The following GRM7 variants were observed in gnomAD, a reference collection of about 807,000 sequenced individuals.
GRM7 encodes metabotropic glutamate receptor 7.
GRM7 carries 35 observed loss-of-function variants against 84.5 expected under a neutral mutation model. That is an observed-to-expected ratio of 0.41 (90% confidence interval 0.32 to 0.55). The LOEUF is 0.55. GRM7 is among the 20% of genes least tolerant of loss of function. The pLI, the probability that GRM7 is intolerant of heterozygous loss-of-function variation, is 0.19. For missense variants in GRM7, 1,003 were observed against 1,194.6 expected, an observed-to-expected ratio of 0.84 and a Z score of 2.36; for synonymous variants, 487 against 455.1, an observed-to-expected ratio of 1.07 and a Z score of -0.89.
At chr3:7,344,701 CAT>C (rs1169302411) in intron 4 of GRM7, among the ~76,000 whole-genome samples, 1 of 152,048 alleles carries the variant, frequency 6.6e-6, no homozygotes, top group Non-Finnish European at 1.5e-5. Context: ...TGTTCTCACT[CAT>C]ATGTGAAAAC....
At position 7,680,613 on chromosome 3, in the gene GRM7, C is replaced by A. The variant is rs1575624683; in HGVS notation, c.2698+318C>A. ...CTATCAGGTTGTTCTTTTCTTGCAC[C>A]CTTCCTGCTAAGGCAACAACTTTTT... On this transcript the variant is annotated intron_variant, in intron 9 of 9. Transcript: ENST00000357716. 1.7e-5 allele frequency: 5 copies of A among 297,330 alleles called. No homozygotes were observed. In the East Asian group the frequency reaches 3.8e-4, roughly 23 times the overall value. 18.4% of individuals were successfully genotyped at this position (297,330 alleles called of 1,614,324 possible).
At chr3:7,113,939 T>C (rs1173569871) in intron 1 of GRM7, among the ~76,000 whole-genome samples, 2 of 152,168 alleles carry the variant, frequency 1.3e-5, no homozygotes, top group Admixed American at 1.3e-4. Flanking sequence ...ATTTTGTAGA[T>C]TAAGTAAGTT....
chr3:6,904,145 C>T (rs992065153), intron 1 of GRM7, among the ~76,000 whole-genome samples: 6 of 151,998 alleles, frequency 3.9e-5, no homozygotes, highest in Non-Finnish European at 8.8e-5. Flanking sequence ...TTTGCTTATA[C>T]AATATATGCT....
chr3:6,869,003 C>T (rs1457023745), intron 1 of GRM7, among the ~76,000 whole-genome samples: 1 of 152,052 alleles, frequency 6.6e-6, no homozygotes, highest in Non-Finnish European at 1.5e-5. Flanking sequence ...TAGTCTTCTA[C>T]ATTATTGTTT....
intron 7 of GRM7, among the ~76,000 whole-genome samples, chr3:7,510,053 C>T (rs534627550): frequency 9.5e-4 from 144 of 152,290 alleles, no homozygotes; most frequent in African/African-American, 3.3e-3. Flanking sequence ...ATGTGTACAT[C>T]ACTGGTTTTT....
At chr3:7,573,306 C>T (rs1351501234) in intron 7 of GRM7, among the ~76,000 whole-genome samples, 1 of 151,736 alleles carries the variant, frequency 6.6e-6, no homozygotes, top group African/African-American at 2.4e-5. Flanking sequence ...AAGGTTCTAA[C>T]AAGTAAAAAT....
intron 2 of GRM7, among the ~76,000 whole-genome samples, chr3:7,166,160 G>A (rs1267311421): frequency 6.6e-6 from 1 of 152,138 alleles, no homozygotes; most frequent in Non-Finnish European, 1.5e-5. Context: ...TTTGTACGGA[G>A]AGCAAAGTAC....
intron 1 of GRM7, among the ~76,000 whole-genome samples, chr3:7,014,640 T>C (rs1695497324): frequency 6.6e-6 from 1 of 152,198 alleles, no homozygotes; most frequent in Non-Finnish European, 1.5e-5. Flanking sequence ...TTGAAAACAA[T>C]AATAACTAAG....
At chr3:6,955,290 C>A (rs1223452715) in intron 1 of GRM7, among the ~76,000 whole-genome samples, 2 of 152,106 alleles carry the variant, frequency 1.3e-5, no homozygotes, top group African/African-American at 4.8e-5. Flanking sequence ...AATCCCAGCA[C>A]TTTGGGAGGC....
intron 8 of GRM7, among the ~76,000 whole-genome samples, chr3:7,656,522 A>AT (rs1553632698): frequency 0.16 from 20,275 of 128,506 alleles, 1,739 homozygotes; most frequent in Non-Finnish European, 0.2. Flanking sequence ...AATAAAAAAA[A>AT]ATATATATAT....
At chr3:7,648,703 G>T (rs113075199) in intron 8 of GRM7, among the ~76,000 whole-genome samples, 32,369 of 151,668 alleles carry the variant, frequency 0.21, 4,291 homozygotes, top group Non-Finnish European at 0.3. Flanking sequence ...TAGGACCTGG[G>T]CAGAGAAGTC....
chr3:7,406,561 T>A (rs924483240), intron 4 of GRM7, among the ~76,000 whole-genome samples: 1 of 152,142 alleles, frequency 6.6e-6, no homozygotes, highest in Non-Finnish European at 1.5e-5. Context: ...TCAAATCAAA[T>A]GAATTGAAAA....
chr3:7,656,526 T>A lies in GRM7; in HGVS notation c.2452-23523T>A, dbSNP rs9809851. The stretch of plus-strand genomic sequence containing the variant: ...ACAAACAAACAAATAAAAAAAAATA[T>A]ATATATATATATACGCGCGCGCACA... On this transcript the variant is annotated intron_variant, in intron 8 of 9. Transcript: ENST00000357716. 1.3e-4 allele frequency among the ~76,000 whole-genome samples: 13 copies of A among 100,358 alleles called. 1 individual carries two copies. The highest frequency in any genetic ancestry group is 2.5e-4 in the Admixed American group (2 of 8,138). The allele number at this position is 100,358 out of a possible 152,430, so 65.8% of individuals were successfully genotyped here.
chr3:7,130,326 G>A (rs910171385), intron 1 of GRM7, among the ~76,000 whole-genome samples: 1 of 152,066 alleles, frequency 6.6e-6, no homozygotes, highest in Non-Finnish European at 1.5e-5. Flanking sequence ...GGCGAATCAC[G>A]AAGTTAGGAG....
At chr3:6,977,204 G>A (rs769242006) in intron 1 of GRM7, among the ~76,000 whole-genome samples, 8 of 152,134 alleles carry the variant, frequency 5.3e-5, no homozygotes, top group Non-Finnish European at 1.0e-4. Flanking sequence ...TGCCACTTTA[G>A]TTGGCATCAC....
chr3:7,277,576 T>C (rs921294107), intron 2 of GRM7, among the ~76,000 whole-genome samples: 2 of 152,140 alleles, frequency 1.3e-5, no homozygotes, highest in Admixed American at 6.5e-5. Flanking sequence ...ATTGTTTTAT[T>C]AATTCATGTT....
chr3:7,283,657 A>G (rs1559551722), intron 2 of GRM7, among the ~76,000 whole-genome samples: 2 of 152,164 alleles, frequency 1.3e-5, no homozygotes, highest in Admixed American at 6.5e-5. Context: ...GAGGCATTAT[A>G]CAGCACAAAA....
At chr3:7,736,132 A>G (rs565042583) in intron 9 of GRM7, among the ~76,000 whole-genome samples, 7 of 152,154 alleles carry the variant, frequency 4.6e-5, no homozygotes, top group Non-Finnish European at 1.0e-4. Context: ...CTAGTTGATG[A>G]GGTTGAACAA....
chr3:7,674,019 G>A (rs1043870341), intron 8 of GRM7, among the ~76,000 whole-genome samples: 2 of 152,136 alleles, frequency 1.3e-5, no homozygotes, highest in African/African-American at 4.8e-5. Flanking sequence ...TCCTGACTGG[G>A]GAGATGGGGA....
Sources: gnomAD v4.1 joint callset for allele counts (sites outside exome capture counted in the v4.1 genomes callset) on GRCh38, gnomAD v4.1.1 for gene constraint, MANE v1.5 for transcripts, NCBI Gene and HGNC (gene_info 2026-07-23, HGNC 2026-07-21) for gene names.